The following TEX9 variants were observed in gnomAD, a reference collection of about 807,000 sequenced individuals.
The protein encoded by TEX9 is testis-expressed protein 9.
TEX9 carries 74 observed loss-of-function variants against 59.6 expected under a neutral mutation model. That is an observed-to-expected ratio of 1.24 (90% CI 1.03 to 1.51). The LOEUF is 1.51. TEX9 is among the 40% of genes most tolerant of loss of function. The pLI is 0.00. For synonymous variants in TEX9, 186 were observed against 152.2 expected (o/e 1.22, Z -1.64); for missense variants, 522 against 447.8 (o/e 1.17, Z -1.49).
At chr15:56,426,626 T>TATATATATATATATATACAC (rs1214988827) in intron 10 of TEX9, among the ~76,000 whole-genome samples, 8 of 47,190 alleles carry the variant, frequency 1.7e-4, no homozygotes, top group Non-Finnish European at 3.0e-4. Context: ...TATATATATA[T>TATATATATATATATATACAC]ACACACACAC....
At chr15:56,294,230 A>G (rs925524002) in intron 1 of TEX9, among the ~76,000 whole-genome samples, 2 of 152,188 alleles carry the variant, frequency 1.3e-5, no homozygotes, top group Non-Finnish European at 2.9e-5. Context: ...AGCGTTTTCT[A>G]AGACCCGTTA....
intron 1 of TEX9, among the ~76,000 whole-genome samples, chr15:56,339,383 CAAAAAAAAAAAAAA>C (rs71456382): frequency 0.11 from 3,388 of 30,968 alleles, 218 homozygotes; most frequent in African/African-American, 0.29. Flanking sequence ...ACTCCTTCTC[CAAAAAAAAAAAAAA>C]AAAAAAAAAA....
chr15:56,329,850 A>C (rs2046103957), intron 1 of TEX9, among the ~76,000 whole-genome samples: 1 of 152,124 alleles, frequency 6.6e-6, no homozygotes, highest in African/African-American at 2.4e-5. Context: ...AAAGTGAGAA[A>C]GTTTATTTGA....
intron 1 of TEX9, among the ~76,000 whole-genome samples, chr15:56,246,229 G>C: frequency 6.6e-6 from 1 of 152,218 alleles, no homozygotes; most frequent in East Asian, 1.9e-4. Context: ...CTGCCCTCTA[G>C]CGGCGGTGCT....
At chr15:56,439,889 T>A (rs1307933034) in intron 12 of TEX9, among the ~76,000 whole-genome samples, 1 of 151,608 alleles carries the variant, frequency 6.6e-6, no homozygotes, top group Non-Finnish European at 1.5e-5. Flanking sequence ...AAAGAAAAAC[T>A]GATAAACTGA....
intron 12 of TEX9, among the ~76,000 whole-genome samples, chr15:56,432,383 G>A (rs558743753): frequency 3.9e-5 from 6 of 152,238 alleles, no homozygotes; most frequent in Admixed American, 6.5e-5. Flanking sequence ...TTGTCTGACC[G>A]TATGATTTTC....
intron 1 of TEX9, among the ~76,000 whole-genome samples, chr15:56,317,206 G>C (rs921464763): frequency 6.6e-6 from 1 of 152,198 alleles, no homozygotes; most frequent in Admixed American, 6.5e-5. Flanking sequence ...TTATTATTAT[G>C]GATTCAATAT....
chr15:56,394,759 A>T (rs1286663429), exon 9 of TEX9: 1 of 1,613,026 alleles, frequency 6.2e-7, no homozygotes, highest in Admixed American at 1.7e-5. Context: ...CTCAAGTAGA[A>T]AAATACAAAA....
chr15:56,406,461 C>T (rs1436096695), intron 9 of TEX9, among the ~76,000 whole-genome samples: 1 of 152,090 alleles, frequency 6.6e-6, no homozygotes, highest in Non-Finnish European at 1.5e-5. Flanking sequence ...ATACCAAATA[C>T]TTAGGAGTGG....
intron 10 of TEX9, among the ~76,000 whole-genome samples, chr15:56,415,126 T>C (rs78231685): frequency 0.13 from 19,885 of 151,816 alleles, 1,887 homozygotes; most frequent in East Asian, 0.37. Context: ...TTATAGAAGC[T>C]GGATATCAGA....
chr15:56,407,299 A>G (rs2049126886), intron 9 of TEX9, among the ~76,000 whole-genome samples: 1 of 152,114 alleles, frequency 6.6e-6, no homozygotes, highest in African/African-American at 2.4e-5. Flanking sequence ...TGATATATGC[A>G]TTTGATATAA....
chr15:56,283,804 GA>G (rs1355439315), intron 1 of TEX9, among the ~76,000 whole-genome samples: 19 of 150,808 alleles, frequency 1.3e-4, no homozygotes, highest in East Asian at 7.7e-4. Context: ...AAACCTGGAA[GA>G]AAAAAAAATC....
intron 12 of TEX9, chr15:56,428,718 A>C: frequency 2.8e-6 from 1 of 360,480 alleles, no homozygotes. Flanking sequence ...AGACCAAAAA[A>C]GATGCTTTAA....
chr15:56,343,101 A>G (rs952404010), intron 1 of TEX9, among the ~76,000 whole-genome samples: 1 of 152,172 alleles, frequency 6.6e-6, no homozygotes, highest in Non-Finnish European at 1.5e-5. Context: ...AAAACATATG[A>G]TTAGGAAAGA....
chr15:56,460,010 ATACATATATATAT>A, the TEX9 span, among the ~76,000 whole-genome samples: 1 of 27,456 alleles, frequency 3.6e-5, no homozygotes, highest in African/African-American at 1.2e-4. Context: ...AAAAAAAAAA[ATACATATATATAT>A]ATATATATAT....
intron 1 of TEX9, among the ~76,000 whole-genome samples, chr15:56,330,155 T>C (rs2046110877): frequency 6.6e-6 from 1 of 152,102 alleles, no homozygotes; most frequent in Non-Finnish European, 1.5e-5. Flanking sequence ...AAAAAATATT[T>C]TACCCTAGAA....
downstream of TEX9, chr15:56,447,672 T>A (rs1229149387): frequency 1.3e-5 from 2 of 152,196 alleles, no homozygotes; most frequent in Admixed American, 6.5e-5. Context: ...TCTACAATAT[T>A]CAATAAACTG....
rs1332449597 is a variant in TEX9 at position 56,262,790 on chromosome 15, G to C, written c.-107+18512G>C. Among the ~76,000 whole-genome samples the C allele has an allele frequency of 3.3e-5, 5 of 152,084 alleles. No individual in the cohort carries two copies. The East Asian group carries it at 9.6e-4, about 29-fold the overall frequency. ...TATTACTTGATACTAGGTTACTATG[G>C]ACATAAAAATTTAGGATTGTTGTGT... is the stretch of plus-strand genomic sequence containing the variant. On this transcript the variant is annotated intron_variant, in intron 1 of 5. Coordinates refer to the TEX9 transcript ENST00000560827.
chr15:56,261,339 A>C (rs998365546), intron 1 of TEX9, among the ~76,000 whole-genome samples: 4 of 152,040 alleles, frequency 2.6e-5, no homozygotes, highest in Non-Finnish European at 5.9e-5. Flanking sequence ...AGGCATGTAA[A>C]GTCAACTTTC....
Sources: allele counts gnomAD v4.1 joint callset (sites outside exome capture counted in the v4.1 genomes callset), GRCh38; gene constraint gnomAD v4.1.1; transcripts MANE v1.5; gene names NCBI Gene and HGNC (gene_info 2026-07-23, HGNC 2026-07-21).